Variants in SLC25A18 observed in about 807,000 individuals in gnomAD.
SLC25A18 encodes the protein solute carrier family 25 member 18.
Under a neutral mutation model 31.1 loss-of-function variants are expected in SLC25A18, and 24 were observed. That is an observed-to-expected ratio of 0.77 (90% CI 0.56 to 1.08). The LOEUF (loss-of-function observed/expected upper bound fraction) is 1.08. SLC25A18 is among the 50% of genes least tolerant of loss of function. The probability of loss-of-function intolerance (pLI) is 0.00; values close to 1 mark genes in which losing one functional copy is unlikely to be tolerated. For synonymous variants in SLC25A18, 173 were observed against 161.9 expected (o/e 1.07, Z -0.52); for missense variants, 371 against 418.5 (o/e 0.89, Z 0.99).
rs942937140 is a variant in SLC25A18 at position 17,575,482 on chromosome 22, A to C, written c.-200-4263A>C. On this transcript the variant is annotated intron_variant, in intron 2 of 10. Coordinates refer to ENST00000327451, the MANE Select transcript of SLC25A18 (RefSeq NM_031481.3). ...CTGCTTTATTTATCTCTGTTTCCTC[A>C]ATCATGTGACAAGTTTGCTGATGGG... Among the ~76,000 whole-genome samples, 11 of 152,196 alleles carry C rather than the reference A, an allele frequency of 7.2e-5. No individual in the cohort carries two copies. In the East Asian group the frequency reaches 1.9e-3, roughly 27 times the overall value.
intron 2 of SLC25A18, among the ~76,000 whole-genome samples, chr22:17,574,923 C>T (rs570679294): frequency 6.6e-6 from 1 of 151,642 alleles, no homozygotes; most frequent in South Asian, 2.1e-4. Flanking sequence ...GCGATCTCAA[C>T]TCACTGCAAC....
intron 2 of SLC25A18, among the ~76,000 whole-genome samples, chr22:17,574,510 C>CTT (rs57351438): frequency 1.4e-3 from 201 of 142,052 alleles, no homozygotes; most frequent in African/African-American, 5.0e-3. Flanking sequence ...CTTCCTTATT[C>CTT]TTTTTTTTTT....
intron 6 of SLC25A18, 66 bp downstream of exon 6, chr22:17,582,719 A>T: frequency 2.1e-6 from 3 of 1,413,534 alleles, no homozygotes; most frequent in East Asian, 2.4e-5. Flanking sequence ...GGCAGGAAGA[A>T]GATTTCAAAT....
chr22:17,577,382 T>C (rs1272764218), intron 2 of SLC25A18, among the ~76,000 whole-genome samples: 1 of 151,704 alleles, frequency 6.6e-6, no homozygotes, highest in African/African-American at 2.4e-5. Context: ...GTTCTCAAAC[T>C]CCTGACGTCA....
At chr22:17,582,692 T>C in intron 6 of SLC25A18, 39 bp downstream of exon 6, 1 of 1,540,810 alleles carries the variant, frequency 6.5e-7, no homozygotes. Flanking sequence ...CTTCACTGTG[T>C]GTTTTTTGGG....
chr22:17,574,674 G>A (rs925238185), intron 2 of SLC25A18, among the ~76,000 whole-genome samples: 5 of 149,884 alleles, frequency 3.3e-5, no homozygotes, highest in South Asian at 2.1e-4. Context: ...GTGCCATCAC[G>A]TCTCGCCTGA....
chr22:17,565,458 C>T (rs1213868802), intron 1 of SLC25A18, among the ~76,000 whole-genome samples: 3 of 152,110 alleles, frequency 2.0e-5, no homozygotes, highest in East Asian at 1.9e-4. Context: ...ACTGCAGCCT[C>T]CAACCCCAGG....
intron 1 of SLC25A18, 152 bp from the exon 2 acceptor site, chr22:17,569,772 T>G (rs78229586): frequency 1.0e-6 from 1 of 985,258 alleles, no homozygotes; most frequent in Admixed American, 6.2e-5. Context: ...CTTTGGGTTT[T>G]GCTTCAAACC....
chr22:17,575,987 G>A (rs897774485), intron 2 of SLC25A18, among the ~76,000 whole-genome samples: 1 of 151,998 alleles, frequency 6.6e-6, no homozygotes, highest in Non-Finnish European at 1.5e-5. Flanking sequence ...TTTTCTCATT[G>A]TTCTGCATCC....
Position 17,588,004 on chromosome 22 carries a change from G to C in SLC25A18, c.655G>C (p.Ala219Pro), listed in dbSNP as rs1263200560. ...GGGGTTCAACGAGCTCGCCGGTAAGGCGTCCTTTGCACATTCCTTCGTGTC... is the reference window on the plus strand; with the variant it reads ...GGGGTTCAACGAGCTCGCCGGTAAGCCGTCCTTTGCACATTCCTTCGTGTC... ...NLGFNELAGK[A>P]SFAHSFVSGC... The change falls in exon 9 of 11, where the codon GCG becomes CCG. Residue 219 changes from alanine (A) to proline (P), a missense_variant. By Grantham distance (27) the Ala-to-Pro change is conservative. Coordinates refer to ENST00000327451, the MANE Select transcript of SLC25A18 (RefSeq NM_031481.3). 6 of 1,614,218 alleles carry C rather than the reference G, an allele frequency of 3.7e-6. No individual in the cohort carries two copies. Among genetic ancestry groups the C allele is most frequent in the Non-Finnish European group, 4.2e-6 (5 of 1,180,042 alleles).
chr22:17,586,892 T>C (rs1349542116), intron 7 of SLC25A18, among the ~76,000 whole-genome samples: 2 of 152,230 alleles, frequency 1.3e-5, no homozygotes, highest in Non-Finnish European at 2.9e-5. Flanking sequence ...CGGGCCAGGC[T>C]GTGGCTGTGC....
rs536720143 is a variant in SLC25A18, at chr22:17,582,100, C to T, written c.200-463C>T. On this transcript the variant is annotated intron_variant, in intron 5 of 10. Transcript: ENST00000327451. ...AAAGGGGAGAATGTGGGGCCGGGCGCGGTGGCTCACGCCTGTAATCCCAGC... is the reference window on the plus strand; with the variant it reads ...AAAGGGGAGAATGTGGGGCCGGGCGTGGTGGCTCACGCCTGTAATCCCAGC... The T allele has an allele frequency of 4.6e-4, 71 of 153,542 alleles. 1 individual carries two copies. The highest frequency in any genetic ancestry group is 1.0e-3 in the South Asian group (5 of 4,870). The allele number at this position is 153,542 out of a possible 1,614,324, so 9.5% of individuals were successfully genotyped here.
intron 5 of SLC25A18, chr22:17,582,215 T>C (rs754900463): frequency 3.6e-5 from 6 of 164,412 alleles, no homozygotes; most frequent in Admixed American, 6.2e-5. Context: ...TACTAAAAAA[T>C]ACAAAAAAAA....
At chr22:17,568,063 G>C (rs1270009276) in intron 1 of SLC25A18, among the ~76,000 whole-genome samples, 14 of 151,800 alleles carry the variant, frequency 9.2e-5, no homozygotes, top group Admixed American at 9.2e-4. Context: ...TTTTAAAAGA[G>C]GCAAAGGCAG....
intron 2 of SLC25A18, among the ~76,000 whole-genome samples, chr22:17,578,918 C>G (rs1383281761): frequency 1.3e-5 from 2 of 152,192 alleles, no homozygotes; most frequent in Non-Finnish European, 2.9e-5. Context: ...TAGCAGGCCC[C>G]CTCCTCAGAA....
At chr22:17,570,651 AT>A (rs71315386) in intron 2 of SLC25A18, among the ~76,000 whole-genome samples, 7 of 151,736 alleles carry the variant, frequency 4.6e-5, no homozygotes, top group East Asian at 3.9e-4. Flanking sequence ...TGCCTGGCTA[AT>A]TTTTTTTTCT....
chr22:17,587,932 C>G lies in SLC25A18; in HGVS notation c.583C>G (p.Pro195Ala), dbSNP rs763628217. ...CTCCTTCCTCTTCTGCAGAGACATT[C>G]CTTTCTCCATCATCTACTTCCCACT... ...GLGATLLRDI[P>A]FSIIYFPLFA... The change falls in exon 9 of 11, where the codon CCT becomes GCT. Residue 195 changes from proline (P) to alanine (A), a missense_variant. Physicochemically the swap from Pro to Ala is conservative, Grantham distance 27. Coordinates refer to ENST00000327451, the MANE Select transcript of SLC25A18 (RefSeq NM_031481.3). 1.4e-5 allele frequency: 23 copies of G among 1,614,022 alleles called. No homozygotes were observed. Among genetic ancestry groups the G allele is most frequent in the Middle Eastern group, 3.3e-4 (2 of 6,084 alleles).
chr22:17,570,881 T>A (rs1242654589), intron 2 of SLC25A18, among the ~76,000 whole-genome samples: 3 of 152,186 alleles, frequency 2.0e-5, no homozygotes, highest in African/African-American at 7.2e-5. Context: ...GAATATTCAA[T>A]GGGTTAACAG....
At chr22:17,578,821 A>G (rs572064090) in intron 2 of SLC25A18, among the ~76,000 whole-genome samples, 35 of 152,302 alleles carry the variant, frequency 2.3e-4, no homozygotes, top group African/African-American at 8.2e-4. Context: ...ACTGGTGTGA[A>G]CCTGGGAGGC....
Sources: allele counts gnomAD v4.1 joint callset (sites outside exome capture counted in the v4.1 genomes callset), GRCh38; gene constraint gnomAD v4.1.1; transcripts MANE v1.5; gene names NCBI Gene and HGNC (gene_info 2026-07-23, HGNC 2026-07-21).